MAST2: variants seen among roughly 807,000 people sequenced by gnomAD.
MAST2 encodes microtubule associated serine/threonine kinase 2.
MAST2 carries 70 observed loss-of-function variants against 147.4 expected under a neutral mutation model. The ratio of observed to expected loss-of-function variants is 0.47; its 90% CI spans 0.39 to 0.58. The LOEUF (loss-of-function observed/expected upper bound fraction) is 0.58, where lower values mean the gene tolerates loss of function less well. MAST2 is among the 20% of genes least tolerant of loss of function. MAST2 has a pLI of 0.00. For missense variants in MAST2, 2,080 were observed against 2,302.3 expected, an observed-to-expected ratio of 0.90 and a Z score of 1.98; for synonymous variants, 869 against 896.8, an observed-to-expected ratio of 0.97 and a Z score of 0.55.
At chr1:45,987,776 G>T (rs199817707) in intron 5 of MAST2, among the ~76,000 whole-genome samples, 2,214 of 30,102 alleles carry the variant, frequency 0.074, no homozygotes, top group Middle Eastern at 0.14. Context: ...TTTTTTTTTT[G>T]ATTTTTTTTT....
Position 45,957,525 on chromosome 1 carries a change from A to G in MAST2, c.501-1861A>G, listed in dbSNP as rs1484647710. On this transcript the variant is annotated intron_variant, in intron 4 of 28. Transcript: ENST00000361297. ...TACGTGTTCTTCTTTTTCTGGCACA[A>G]TCATTGGCTCACTGTAGCCATGAAC... 3.9e-5 allele frequency among the ~76,000 whole-genome samples: 6 copies of G among 152,150 alleles called. No homozygotes were observed. In the East Asian group the frequency reaches 9.6e-4, roughly 24 times the overall value.
At chr1:45,887,310 G>A (rs1186864913) in intron 4 of MAST2, among the ~76,000 whole-genome samples, 1 of 152,228 alleles carries the variant, frequency 6.6e-6, no homozygotes, top group Admixed American at 6.5e-5. Flanking sequence ...GAGGCTATGA[G>A]CAGTCAATTG....
chr1:45,891,673 TCTC>T (rs1647817393), intron 4 of MAST2, among the ~76,000 whole-genome samples: 1 of 151,984 alleles, frequency 6.6e-6, no homozygotes, highest in Admixed American at 6.5e-5. Flanking sequence ...TTTTTTATAA[TCTC>T]CTACCTTTTC....
chr1:45,824,716 C>T (rs924138504), intron 2 of MAST2, 136 bp downstream of exon 2: 34 of 830,070 alleles, frequency 4.1e-5, no homozygotes, highest in Middle Eastern at 5.3e-4. Context: ...GTAAGGCTGT[C>T]TTCCTCTCCT....
At chr1:45,814,546 A>G (rs1644396464) in intron 1 of MAST2, among the ~76,000 whole-genome samples, 1 of 152,176 alleles carries the variant, frequency 6.6e-6, no homozygotes, top group Non-Finnish European at 1.5e-5. Flanking sequence ...ATGTAAACAC[A>G]TACACCAAGG....
At chr1:45,966,240 G>A (rs767454094) in intron 5 of MAST2, among the ~76,000 whole-genome samples, 30 of 152,070 alleles carry the variant, frequency 2.0e-4, no homozygotes, top group Non-Finnish European at 2.8e-4. Flanking sequence ...GTTATACCAC[G>A]GTTTATTTTT....
At chr1:45,842,276 G>A (rs1449062799) in intron 3 of MAST2, among the ~76,000 whole-genome samples, 1 of 152,158 alleles carries the variant, frequency 6.6e-6, no homozygotes, top group Non-Finnish European at 1.5e-5. Context: ...ATGATGACAG[G>A]TAATCTGGTG....
chr1:46,004,248 C>T (rs1033104894), intron 7 of MAST2, among the ~76,000 whole-genome samples: 3 of 151,448 alleles, frequency 2.0e-5, no homozygotes, highest in African/African-American at 7.3e-5. Flanking sequence ...CCTGTAGTCC[C>T]AGCGTCTCAG....
At chr1:46,016,980 T>C (rs1206785587) in intron 10 of MAST2, among the ~76,000 whole-genome samples, 8 of 151,674 alleles carry the variant, frequency 5.3e-5, no homozygotes, top group East Asian at 1.9e-4. Flanking sequence ...AACAGAGATA[T>C]AGATCAATGG....
At chr1:45,942,126 A>G (rs1256014786) in intron 4 of MAST2, among the ~76,000 whole-genome samples, 2 of 150,012 alleles carry the variant, frequency 1.3e-5, no homozygotes, top group East Asian at 3.9e-4. Flanking sequence ...ATCACTGTCC[A>G]GCTTGATTGT....
At chr1:45,896,776 C>A (rs1557879588) in intron 4 of MAST2, among the ~76,000 whole-genome samples, 1 of 152,168 alleles carries the variant, frequency 6.6e-6, no homozygotes, top group Non-Finnish European at 1.5e-5. Flanking sequence ...CAGGTCACCC[C>A]CTAGTTTGTG....
intron 4 of MAST2, among the ~76,000 whole-genome samples, chr1:45,889,853 A>G (rs1647424176): frequency 6.6e-6 from 1 of 151,918 alleles, no homozygotes; most frequent in Admixed American, 6.6e-5. Context: ...TCAGGTGATT[A>G]AGCAATTCTC....
chr1:45,958,975 T>A (rs1241160757), intron 4 of MAST2, among the ~76,000 whole-genome samples: 1 of 152,214 alleles, frequency 6.6e-6, no homozygotes, highest in Non-Finnish European at 1.5e-5. Flanking sequence ...AATAATTTCA[T>A]AGATTAATAG....
chr1:45,820,118 C>T (rs1476152170), intron 1 of MAST2, among the ~76,000 whole-genome samples: 1 of 152,106 alleles, frequency 6.6e-6, no homozygotes, highest in African/African-American at 2.4e-5. Flanking sequence ...ATAAATGGTT[C>T]TCGGAAAACT....
At position 45,824,527 on chromosome 1, in the gene MAST2, T is replaced by C. The variant is rs775040581; in HGVS notation, c.272T>C (p.Leu91Pro). ...GGAAAAGTTAAACTTCAGCGACAACTGAGTCAGGATGATTGTAAGTTATGG... is the reference window on the plus strand; with the variant it reads ...GGAAAAGTTAAACTTCAGCGACAACCGAGTCAGGATGATTGTAAGTTATGG... Reference protein sequence around the residue: ...STGKVKLQRQLSQDDCKLWRG... With the variant: ...STGKVKLQRQPSQDDCKLWRG... The change falls in exon 2 of 29, where the codon CTG becomes CCG. Residue 91 changes from leucine (L) to proline (P), a missense_variant. Physicochemically the swap from Leu to Pro is moderately conservative, Grantham distance 98. Transcript: ENST00000361297. The C allele has an allele frequency of 5.6e-6, 9 of 1,611,018 alleles. No individual in the cohort carries two copies. Among genetic ancestry groups the C allele is most frequent in the East Asian group, 2.2e-5 (1 of 44,794 alleles).
At chr1:45,862,660 CG>C (rs1325424179) in intron 3 of MAST2, among the ~76,000 whole-genome samples, 1 of 151,772 alleles carries the variant, frequency 6.6e-6, no homozygotes, top group African/African-American at 2.4e-5. Flanking sequence ...AGTAGAAACA[CG>C]GTTTTGCCTT....
intron 4 of MAST2, among the ~76,000 whole-genome samples, chr1:45,918,684 C>T (rs1257319484): frequency 2.6e-5 from 4 of 152,112 alleles, no homozygotes; most frequent in African/African-American, 4.8e-5. Context: ...GTTATCCACC[C>T]GCCTCGGCCT....
intron 1 of MAST2, among the ~76,000 whole-genome samples, chr1:45,819,150 G>A (rs1238669906): frequency 6.6e-6 from 1 of 151,884 alleles, no homozygotes; most frequent in Non-Finnish European, 1.5e-5. Context: ...CTACTTGGGA[G>A]GCTGAGGCAG....
chr1:45,928,079 T>C (rs1447997911), intron 4 of MAST2, among the ~76,000 whole-genome samples: 1 of 152,216 alleles, frequency 6.6e-6, no homozygotes, highest in Non-Finnish European at 1.5e-5. Context: ...CATTGTGTTA[T>C]GGAAAAATCT....
Sources: gnomAD v4.1 joint callset for allele counts (sites outside exome capture counted in the v4.1 genomes callset) on GRCh38, gnomAD v4.1.1 for gene constraint, MANE v1.5 for transcripts, NCBI Gene and HGNC (gene_info 2026-07-23, HGNC 2026-07-21) for gene names.